The following INTU variants were observed in gnomAD, a reference collection of about 807,000 sequenced individuals.
The protein encoded by INTU is inturned planar cell polarity protein.
Under a neutral mutation model 100.5 loss-of-function variants are expected in INTU, and 68 were observed. The ratio of observed to expected loss-of-function variants is 0.68; its 90% CI spans 0.56 to 0.83. The LOEUF (loss-of-function observed/expected upper bound fraction) is 0.83. Among genes scored for constraint, INTU ranks in the 40% least tolerant of loss-of-function variants. The probability of loss-of-function intolerance (pLI) is 0.00; values close to 1 mark genes in which losing one functional copy is unlikely to be tolerated. For synonymous variants in INTU, 357 were observed against 395.7 expected (o/e 0.90, Z 1.16); for missense variants, 1,071 against 1,114.7 (o/e 0.96, Z 0.56).
At chr4:127,650,862 C>G (rs950322715) in intron 2 of INTU, among the ~76,000 whole-genome samples, 34 of 152,286 alleles carry the variant, frequency 2.2e-4, no homozygotes, top group Non-Finnish European at 3.4e-4. Flanking sequence ...TCCTATTTCT[C>G]CACATCCTGT....
chr4:127,674,286 AT>A, intron 6 of INTU, 73 bp downstream of exon 6: 1 of 1,209,128 alleles, frequency 8.3e-7, no homozygotes. Context: ...AAATTATTAC[AT>A]TTTTGTCAAA....
rs187785633 is a variant in INTU, at chr4:127,705,501, G to A, written c.1567-90G>A. The A allele has an allele frequency of 1.4e-4, 132 of 940,452 alleles. 1 individual carries two copies. In the Admixed American group the frequency reaches 2.0e-3, roughly 14 times the overall value. The allele number at this position is 940,452 out of a possible 1,614,324, so 58.3% of individuals were successfully genotyped here. On this transcript the variant is annotated intron_variant, in intron 10 of 15. Coordinates refer to ENST00000335251, the MANE Select transcript of INTU (RefSeq NM_015693.4). Reference sequence around the variant, plus strand: ...TGAAACTAGAATATTCTAAACCAACGGAAGAAGTGTCTATGAAACTCTTAG... The same window carrying A: ...TGAAACTAGAATATTCTAAACCAACAGAAGAAGTGTCTATGAAACTCTTAG...
chr4:127,641,478 T>G (rs532946645), intron 1 of INTU, among the ~76,000 whole-genome samples: 1 of 152,214 alleles, frequency 6.6e-6, no homozygotes, highest in East Asian at 1.9e-4. Flanking sequence ...CCTCTTCACA[T>G]CTTTCCCTTC....
At chr4:127,661,329 G>T (rs115008360) in intron 3 of INTU, among the ~76,000 whole-genome samples, 1,812 of 152,172 alleles carry the variant, frequency 0.012, 16 homozygotes, top group South Asian at 0.037. Context: ...GTGAATTTTT[G>T]AGTCTATTTT....
chr4:127,676,211 TC>T (rs1729170773), intron 6 of INTU: 1 of 155,548 alleles, frequency 6.4e-6, no homozygotes, highest in Non-Finnish European at 1.4e-5. Flanking sequence ...TATGTGTTTT[TC>T]TGTCTAAAAT....
intron 6 of INTU, among the ~76,000 whole-genome samples, chr4:127,681,925 C>T (rs1258075707): frequency 3.9e-5 from 6 of 152,038 alleles, no homozygotes; most frequent in African/African-American, 1.5e-4. Flanking sequence ...CAAACAACCC[C>T]ATCAAAAAGT....
chr4:127,687,691 A>T lies in INTU; in HGVS notation c.1273A>T (p.Ile425Phe). The change falls in exon 8 of 16, where the codon ATT (isoleucine) becomes TTT (phenylalanine). Residue 425 changes from isoleucine (I) to phenylalanine (F), a missense_variant. Coordinates refer to ENST00000335251, the MANE Select transcript of INTU (RefSeq NM_015693.4). ...TTATTTCTCCAGTGCCTTTTGCCAG[A>T]TTGAGAATGTTCCTCGTTTGGATCA... ...YGSLDSAFCQ[I>F]ENVPRLDHFF... 6.2e-7 allele frequency: 1 copy of T among 1,610,562 alleles called. No individual in the cohort carries two copies. Among genetic ancestry groups the T allele is most frequent in the Non-Finnish European group, 8.5e-7 (1 of 1,177,310 alleles).
intron 6 of INTU, among the ~76,000 whole-genome samples, chr4:127,683,364 T>C (rs1299610097): frequency 1.3e-5 from 2 of 152,170 alleles, no homozygotes; most frequent in Non-Finnish European, 1.5e-5. Context: ...TCTATCTCAT[T>C]TCACATAACT....
rs557194503 is a variant in INTU, at chr4:127,721,933, C to T, written c.*5497C>T. ...CATATTCCCTTAGCTTGGTGAAGTTCGTTATTTCCCATCTTGGATGGATGA... is the reference window on the plus strand; with the variant it reads ...CATATTCCCTTAGCTTGGTGAAGTTTGTTATTTCCCATCTTGGATGGATGA... On this transcript the variant is annotated 3_prime_UTR_variant, in exon 16 of 16. Transcript: ENST00000335251. The T allele has an allele frequency of 6.6e-6, 1 of 152,274 alleles. No individual in the cohort carries two copies. Among genetic ancestry groups the T allele is most frequent in the East Asian group, 1.9e-4 (1 of 5,184 alleles). The allele number at this position is 152,274 out of a possible 1,614,324, so 9.4% of individuals were successfully genotyped here.
rs1464189058 is a variant in INTU at position 127,722,359 on chromosome 4, G to A, written c.*5923G>A. 2 of 152,312 alleles carry A rather than the reference G, an allele frequency of 1.3e-5. No individual in the cohort carries two copies. The highest frequency in any genetic ancestry group is 2.9e-5 in the Non-Finnish European group (2 of 68,130). The allele number at this position is 152,312 out of a possible 1,614,324, so 9.4% of individuals were successfully genotyped here. A position where few individuals can be genotyped will look rare whatever the true frequency, so the allele number is the denominator to read the frequency against. On this transcript the variant is annotated 3_prime_UTR_variant, in exon 16 of 16. Transcript: ENST00000335251. ...CTCTGTCCCAGAGGGGCACTGGCCT[G>A]ATGCTAGCCGGAATGCTCCTGTATG...
Position 127,684,327 on chromosome 4 carries a change from A to G in INTU, c.1182-82A>G, listed in dbSNP as rs1729715329. 1.9e-5 allele frequency: 15 copies of G among 777,400 alleles called. No individual in the cohort carries two copies. The South Asian group carries it at 2.2e-4, about 11-fold the overall frequency. 48.2% of individuals were successfully genotyped at this position (777,400 alleles called of 1,614,324 possible). On this transcript the variant is annotated intron_variant, in intron 6 of 15. Coordinates refer to ENST00000335251, the MANE Select transcript of INTU (RefSeq NM_015693.4). ...ATACTTTTCACATTCCGTATGTGTA[A>G]AATTCAAGGATGATCTACTTCTTTT...
In INTU at chr4:127,687,866, AG is replaced by A; in HGVS notation, c.1449+1del. 1 of 1,567,584 alleles carries A rather than the reference AG, an allele frequency of 6.4e-7. No homozygotes were observed. Among genetic ancestry groups the A allele is most frequent in the Non-Finnish European group, 8.7e-7 (1 of 1,148,904 alleles). On this transcript the variant is annotated frameshift_variant and splice_region_variant, in exon 8 of 16. Transcript: ENST00000335251. LOFTEE classifies it high-confidence loss of function. ...TGGCTCACACTTCCACTGGAAATCA[AG>A]GTAATCTTAGGTATTATAAAGCAGA... ...VRWLTLPLEI[K>X]MELDMALSDL... is the part of the protein sequence containing the mutation.
In INTU at chr4:127,648,330, G is replaced by A. The variant is rs1727682448; in HGVS notation, c.682+4274G>A. ...AACACTAGAGGAAAACAAATGTCTGGGAGAATGAGAAGTGGATATAATATT... is the reference window on the plus strand; with the variant it reads ...AACACTAGAGGAAAACAAATGTCTGAGAGAATGAGAAGTGGATATAATATT... On this transcript the variant is annotated intron_variant, in intron 2 of 15. Transcript: ENST00000335251. 4.6e-5 allele frequency among the ~76,000 whole-genome samples: 7 copies of A among 152,182 alleles called. No homozygotes were observed. In the South Asian group the frequency reaches 1.5e-3, roughly 32 times the overall value.
At chr4:127,708,264 A>G (rs890426764) in intron 12 of INTU, among the ~76,000 whole-genome samples, 2 of 152,206 alleles carry the variant, frequency 1.3e-5, no homozygotes, top group Admixed American at 1.3e-4. Context: ...GAGATGAATA[A>G]GACACAGCCC....
chr4:127,645,952 G>A (rs945918838), intron 2 of INTU, among the ~76,000 whole-genome samples: 30 of 152,174 alleles, frequency 2.0e-4, no homozygotes, highest in Non-Finnish European at 4.1e-4. Flanking sequence ...GGAGGCCAAG[G>A]TGGGCAGATC....
intron 5 of INTU, among the ~76,000 whole-genome samples, chr4:127,672,867 C>A (rs1221906224): frequency 1.3e-5 from 2 of 152,050 alleles, no homozygotes; most frequent in African/African-American, 2.4e-5. Flanking sequence ...CTTTTTAGAA[C>A]ATAATTAAAT....
In INTU at chr4:127,717,669, A is replaced by G. The variant is rs532905219; in HGVS notation, c.*1233A>G. The G allele has an allele frequency of 6.6e-6, 1 of 152,156 alleles. No individual in the cohort carries two copies. Among genetic ancestry groups the G allele is most frequent in the Admixed American group, 6.5e-5 (1 of 15,268 alleles). The allele number at this position is 152,156 out of a possible 1,614,324, so 9.4% of individuals were successfully genotyped here. A position where few individuals can be genotyped will look rare whatever the true frequency, so the allele number is the denominator to read the frequency against. ...GCATCTGTTATTTCTTGACTTTTTAATAATAGCCACTCTGACTGGTGTGAG... is the reference window on the plus strand; with the variant it reads ...GCATCTGTTATTTCTTGACTTTTTAGTAATAGCCACTCTGACTGGTGTGAG... On this transcript the variant is annotated 3_prime_UTR_variant, in exon 16 of 16. Transcript: ENST00000335251.
At chr4:127,651,735 G>GT (rs1270638425) in intron 2 of INTU, among the ~76,000 whole-genome samples, 23 of 151,308 alleles carry the variant, frequency 1.5e-4, no homozygotes, top group Non-Finnish European at 2.8e-4. Context: ...CCTTAAAGTA[G>GT]TTTTTTCCAA....
intron 2 of INTU, among the ~76,000 whole-genome samples, chr4:127,654,991 A>G (rs577223884): frequency 1.6e-4 from 24 of 150,918 alleles, no homozygotes; most frequent in African/African-American, 5.9e-4. Context: ...CATTGCTGAT[A>G]CCCTTTCTTC....
Sources: gnomAD v4.1 joint callset for allele counts (sites outside exome capture counted in the v4.1 genomes callset) on GRCh38, gnomAD v4.1.1 for gene constraint, MANE v1.5 for transcripts, NCBI Gene and HGNC (gene_info 2026-07-23, HGNC 2026-07-21) for gene names.